Variants in HDHD2 observed in about 807,000 individuals in gnomAD.
HDHD2 encodes the protein haloacid dehalogenase-like hydrolase domain-containing protein 2.
Under a neutral mutation model 24.8 loss-of-function variants are expected in HDHD2, and 26 were observed. The observed-to-expected ratio is 1.05, with a 90% CI of 0.77 to 1.45. HDHD2 has a LOEUF of 1.45. Among genes scored for constraint, HDHD2 ranks in the 40% most tolerant of loss-of-function variants. The probability of loss-of-function intolerance (pLI) is 0.00; values close to 1 mark genes in which losing one functional copy is unlikely to be tolerated. For missense variants in HDHD2, 299 were observed against 313.4 expected, an observed-to-expected ratio of 0.95 and a Z score of 0.35; for synonymous variants, 128 against 114.9, an observed-to-expected ratio of 1.11 and a Z score of -0.73.
At chr18:47,143,648 G>C (rs529798509) in intron 1 of HDHD2, among the ~76,000 whole-genome samples, 3 of 152,134 alleles carry the variant, frequency 2.0e-5, no homozygotes, top group Non-Finnish European at 4.4e-5. Flanking sequence ...ATCAATGTTA[G>C]CATATGAGCC....
chr18:47,118,643 G>T (rs1214172325), intron 4 of HDHD2, among the ~76,000 whole-genome samples: 1 of 152,142 alleles, frequency 6.6e-6, no homozygotes, highest in Non-Finnish European at 1.5e-5. Flanking sequence ...TAATACCTAG[G>T]TGATGGGTTG....
At chr18:47,136,059 C>G (rs957611298) in intron 2 of HDHD2, among the ~76,000 whole-genome samples, 6 of 152,188 alleles carry the variant, frequency 3.9e-5, no homozygotes, top group Non-Finnish European at 8.8e-5. Context: ...ACATTGTAGA[C>G]TCTTGAGTTG....
At position 47,108,107 on chromosome 18, in the gene HDHD2, T is replaced by A. The variant is rs2063488239; in HGVS notation, c.*575A>T. ...AATGAAGAGAAAAAGAAGTCACCCG[T>A]GCTGGGAATACAGTAGAAAATTTAG... On this transcript the variant is annotated 3_prime_UTR_variant, in exon 7 of 7. Coordinates refer to ENST00000300605, the MANE Select transcript of HDHD2 (RefSeq NM_032124.5). The A allele has an allele frequency of 6.6e-6, 1 of 152,652 alleles. No homozygotes were observed. 9.5% of individuals were successfully genotyped at this position (152,652 alleles called of 1,614,324 possible).
At chr18:47,113,455 T>A (rs958183891) in intron 5 of HDHD2, among the ~76,000 whole-genome samples, 2 of 152,328 alleles carry the variant, frequency 1.3e-5, no homozygotes, top group African/African-American at 2.4e-5. Flanking sequence ...GTGGCCCACA[T>A]AGTATGTTAT....
intron 1 of HDHD2, among the ~76,000 whole-genome samples, chr18:47,138,873 C>T (rs2063792936): frequency 6.6e-6 from 1 of 152,200 alleles, no homozygotes; most frequent in African/African-American, 2.4e-5. Context: ...CAAGAACAAT[C>T]TAAACAGGCC....
At chr18:47,115,108 C>G (rs1157359423) in intron 5 of HDHD2, 24 bp downstream of exon 5, 1 of 1,567,198 alleles carries the variant, frequency 6.4e-7, no homozygotes. Context: ...GAGCTGGGAG[C>G]ACCTCCTGGG....
At chr18:47,111,162 T>A (rs1398272353) in intron 6 of HDHD2, 22 of 984,692 alleles carry the variant, frequency 2.2e-5, no homozygotes, top group Admixed American at 6.2e-5. Context: ...TTAGTTGATT[T>A]ACTAATTACA....
chr18:47,134,400 G>A, intron 3 of HDHD2, 96 bp downstream of exon 3: 1 of 878,616 alleles, frequency 1.1e-6, no homozygotes, highest in Non-Finnish European at 1.7e-6. Context: ...AGAAAAACGG[G>A]GAAATCAGAA....
rs1277652523 is a variant in HDHD2 at position 47,150,478 on chromosome 18, C to G, written c.-111G>C. The G allele has an allele frequency of 6.6e-6, 1 of 152,290 alleles. No individual in the cohort carries two copies. Among genetic ancestry groups the G allele is most frequent in the African/African-American group, 2.4e-5 (1 of 41,474 alleles). The allele number at this position is 152,290 out of a possible 1,614,324, so 9.4% of individuals were successfully genotyped here. ...TCAGCCGGGATAGACAGCCCCGCTG[C>G]TGCCCGACGGACGCCGGAAGTTGGG... On this transcript the variant is annotated 5_prime_UTR_variant, in exon 1 of 7. Transcript: ENST00000300605.
At chr18:47,115,047 T>C in intron 5 of HDHD2, 85 bp downstream of exon 5, 3 of 887,234 alleles carry the variant, frequency 3.4e-6, no homozygotes. Flanking sequence ...TAACAGAATG[T>C]CCCCTTTCCT....
At chr18:47,112,692 T>G (rs1169671865) in intron 6 of HDHD2, among the ~76,000 whole-genome samples, 1 of 152,168 alleles carries the variant, frequency 6.6e-6, no homozygotes, top group Non-Finnish European at 1.5e-5. Context: ...GCTTCATCCC[T>G]CTGTGGTGAA....
At chr18:47,112,528 AAG>A in intron 6 of HDHD2, among the ~76,000 whole-genome samples, 1 of 152,366 alleles carries the variant, frequency 6.6e-6, no homozygotes, top group Middle Eastern at 3.4e-3. Context: ...AAAGAGAAAA[AAG>A]AGTTTTTCAA....
At chr18:47,127,155 C>T (rs1160879150) in intron 4 of HDHD2, among the ~76,000 whole-genome samples, 1 of 150,936 alleles carries the variant, frequency 6.6e-6, no homozygotes, top group Admixed American at 6.6e-5. Context: ...AGCAAGACTC[C>T]GTCTCAAAAA....
intron 3 of HDHD2, among the ~76,000 whole-genome samples, chr18:47,133,958 T>C (rs1292289226): frequency 1.3e-5 from 2 of 152,250 alleles, no homozygotes; most frequent in East Asian, 3.8e-4. Flanking sequence ...TTTCTTTTGC[T>C]GTGCAGAAGC....
chr18:47,124,933 G>A (rs1207532746), intron 4 of HDHD2, among the ~76,000 whole-genome samples: 1 of 152,022 alleles, frequency 6.6e-6, no homozygotes, highest in Admixed American at 6.6e-5. Flanking sequence ...GAGAGACTAG[G>A]GCACAATGAT....
chr18:47,129,365 C>T (rs1599943639), intron 4 of HDHD2, among the ~76,000 whole-genome samples: 1 of 152,070 alleles, frequency 6.6e-6, no homozygotes, highest in African/African-American at 2.4e-5. Flanking sequence ...ACTAGTTCTA[C>T]TTCTACCCAC....
At chr18:47,131,192 G>C (rs1000797499) in intron 3 of HDHD2, among the ~76,000 whole-genome samples, 3 of 152,052 alleles carry the variant, frequency 2.0e-5, no homozygotes, top group African/African-American at 7.2e-5. Context: ...GGTCAGGCTG[G>C]TCTCGAATTC....
chr18:47,131,032 A>G (rs1387497543), intron 3 of HDHD2, among the ~76,000 whole-genome samples: 1 of 152,058 alleles, frequency 6.6e-6, no homozygotes, highest in African/African-American at 2.4e-5. Flanking sequence ...GCTGGAGTGT[A>G]ATGGTGCGAT....
chr18:47,142,113 T>C (rs977829307), intron 1 of HDHD2, among the ~76,000 whole-genome samples: 7 of 152,234 alleles, frequency 4.6e-5, no homozygotes, highest in African/African-American at 1.7e-4. Context: ...ACATCTTTCC[T>C]GTATAAATTA....
Sources: allele counts gnomAD v4.1 joint callset (sites outside exome capture counted in the v4.1 genomes callset), GRCh38; gene constraint gnomAD v4.1.1; transcripts MANE v1.5; gene names NCBI Gene and HGNC (gene_info 2026-07-23, HGNC 2026-07-21).